The following RSPH1 variants were observed in gnomAD, a reference collection of about 807,000 sequenced individuals.
The protein encoded by RSPH1 is radial spoke head 1 homolog.
In RSPH1, 32 loss-of-function variants were observed where a neutral mutation model predicts 44.2. The ratio of observed to expected loss-of-function variants is 0.72; its 90% CI spans 0.55 to 0.97. RSPH1 has a LOEUF of 0.97. Among genes scored for constraint, RSPH1 ranks in the 50% least tolerant of loss-of-function variants. The probability of loss-of-function intolerance (pLI) is 0.00; values close to 1 mark genes in which losing one functional copy is unlikely to be tolerated. For missense variants in RSPH1, 391 were observed against 398.7 expected (o/e 0.98, Z 0.16); for synonymous variants, 134 against 147.3 (o/e 0.91, Z 0.65).
chr21:42,493,238 G>A lies in RSPH1; in HGVS notation c.55-159C>T, dbSNP rs78445764. ...CCTTTCCCACCTTAAAGTTGAGGTAGGTAACAACGCCTGGGCTAGATGAGG... is the reference window on the plus strand; with the variant it reads ...CCTTTCCCACCTTAAAGTTGAGGTAAGTAACAACGCCTGGGCTAGATGAGG... On this transcript the variant is annotated intron_variant, in intron 1 of 8. Coordinates refer to ENST00000291536, the MANE Select transcript of RSPH1 (RefSeq NM_080860.4). Among the ~76,000 whole-genome samples the A allele has an allele frequency of 2.7e-3, 411 of 152,288 alleles. 3 individuals carry two copies. The highest frequency in any genetic ancestry group is 9.4e-3 in the African/African-American group (392 of 41,538).
chr21:42,476,278 A>G (rs1473108180), intron 7 of RSPH1, among the ~76,000 whole-genome samples: 1 of 152,170 alleles, frequency 6.6e-6, no homozygotes, highest in Admixed American at 6.5e-5. Context: ...TAGTCTGATA[A>G]CTTTCATTCC....
chr21:42,488,197 T>C (rs540346855), intron 3 of RSPH1, among the ~76,000 whole-genome samples: 3 of 152,246 alleles, frequency 2.0e-5, no homozygotes, highest in East Asian at 1.9e-4. Flanking sequence ...GATCCCCAAA[T>C]TGAGATAATT....
Position 42,488,095 on chromosome 21 carries a change from A to G in RSPH1, c.275-1634T>C, listed in dbSNP as rs575932144. Among the ~76,000 whole-genome samples the G allele has an allele frequency of 3.9e-4, 60 of 152,346 alleles. No homozygotes were observed. In the South Asian group the frequency reaches 9.7e-3, roughly 25 times the overall value. ...GCAGGCTTACCAAAAATTCATGGAG[A>G]GAGGGAAGGTGGCAACTGCTAACAA... On this transcript the variant is annotated intron_variant, in intron 3 of 8. Transcript: ENST00000291536.
intron 8 of RSPH1, among the ~76,000 whole-genome samples, chr21:42,473,701 T>C (rs2054015959): frequency 6.6e-6 from 1 of 152,164 alleles, no homozygotes; most frequent in South Asian, 2.1e-4. Context: ...TTTTGATAAA[T>C]GTTCTGCCGA....
At chr21:42,486,880 T>C (rs770440182) in intron 3 of RSPH1, among the ~76,000 whole-genome samples, 8 of 152,168 alleles carry the variant, frequency 5.3e-5, no homozygotes, top group Non-Finnish European at 8.8e-5. Flanking sequence ...CAAACCAAGG[T>C]TGTCTGACCC....
chr21:42,490,559 C>A (rs1222532096), intron 3 of RSPH1, among the ~76,000 whole-genome samples: 1 of 152,162 alleles, frequency 6.6e-6, no homozygotes, highest in Non-Finnish European at 1.5e-5. Context: ...GTGGCTAAAT[C>A]TTGCACCCTT....
chr21:42,486,853 T>C (rs2054186029), intron 3 of RSPH1, among the ~76,000 whole-genome samples: 1 of 152,190 alleles, frequency 6.6e-6, no homozygotes, highest in South Asian at 2.1e-4. Flanking sequence ...ACCACGAAGA[T>C]GCAACGAGGA....
Position 42,493,066 on chromosome 21 carries a change from C to A in RSPH1, c.68G>T (p.Gly23Val), listed in dbSNP as rs996281801. The A allele has an allele frequency of 6.2e-7, 1 of 1,613,594 alleles. No homozygotes were observed. Among genetic ancestry groups the A allele is most frequent in the Middle Eastern group, 1.6e-4 (1 of 6,062 alleles). The change falls in exon 2 of 9, where the codon GGT (glycine) becomes GTT (valine). Residue 23 changes from glycine to valine, a missense_variant. Gly to Val is a moderately radical substitution (Grantham distance 109, BLOSUM62 -3). Coordinates refer to ENST00000291536, the MANE Select transcript of RSPH1 (RefSeq NM_080860.4). The stretch of plus-strand genomic sequence containing the variant: ...GTGCCTTTCGCCTGCCTCATTCCGA[C>A]CCCCCTCATATTCCTGGGTAATGAA... ...GENDIGEYEG[G>V]RNEAGERHGR...
intron 7 of RSPH1, among the ~76,000 whole-genome samples, chr21:42,476,827 A>C (rs1751969270): frequency 6.6e-6 from 1 of 152,124 alleles, no homozygotes; most frequent in South Asian, 2.1e-4. Flanking sequence ...AGTGTCCTCC[A>C]ATCCCAAAGG....
Position 42,496,219 on chromosome 21 carries a change from G to T in RSPH1, c.-33C>A. On this transcript the variant is annotated 5_prime_UTR_variant, in exon 1 of 9. Transcript: ENST00000291536. ...CCCCAGCCTGGATCACAGCCGCAGC[G>T]CCTCTAGCAGGTGGGTAGCAACCGC... 2.5e-6 allele frequency: 4 copies of T among 1,612,918 alleles called. No homozygotes were observed. Among genetic ancestry groups the T allele is most frequent in the Non-Finnish European group, 3.4e-6 (4 of 1,179,034 alleles).
At chr21:42,486,337 C>T in intron 4 of RSPH1, 34 bp downstream of exon 4, 1 of 1,443,998 alleles carries the variant, frequency 6.9e-7, no homozygotes, top group Non-Finnish European at 9.8e-7. Context: ...ATTACATAAG[C>T]AAATCCCGTT....
At position 42,485,724 on chromosome 21, in the gene RSPH1, G is replaced by T. The variant is rs376829214; in HGVS notation, c.446C>A (p.Thr149Lys). Residue 149 changes from threonine to lysine, a missense_variant, in exon 5 of 9, where the codon ACG becomes AAG. By Grantham distance (78) the Thr-to-Lys change is moderately conservative. Coordinates refer to ENST00000291536, the MANE Select transcript of RSPH1 (RefSeq NM_080860.4). Reference sequence around the variant, plus strand: ...GTGGTTCAGGTGAATGAGCTCGGCCGTGCCCTCCTGCTGTCCGTTCACCCA... The same window carrying T: ...GTGGTTCAGGTGAATGAGCTCGGCCTTGCCCTCCTGCTGTCCGTTCACCCA... The part of the protein sequence containing the change: ...GTWVNGQQEG[T>K]AELIHLNHRY... 8.7e-6 allele frequency: 14 copies of T among 1,614,156 alleles called. No homozygotes were observed. The highest frequency in any genetic ancestry group is 1.2e-5 in the Non-Finnish European group (14 of 1,179,988).
chr21:42,493,193 C>A (rs2054254166), intron 1 of RSPH1, 114 bp from the exon 2 acceptor site: 2 of 855,164 alleles, frequency 2.3e-6, no homozygotes. Context: ...AAACCCCCGG[C>A]ACTATACTCA....
intron 5 of RSPH1, among the ~76,000 whole-genome samples, chr21:42,483,960 T>C (rs1163202178): frequency 6.6e-6 from 1 of 151,964 alleles, no homozygotes; most frequent in Non-Finnish European, 1.5e-5. Flanking sequence ...TACTGGGAAC[T>C]GTCTCTGGAC....
At chr21:42,480,073 A>G (rs1462708647) in intron 6 of RSPH1, among the ~76,000 whole-genome samples, 1 of 152,214 alleles carries the variant, frequency 6.6e-6, no homozygotes, top group Non-Finnish European at 1.5e-5. Flanking sequence ...AAGAAGGTGG[A>G]CCATGAGCAA....
chr21:42,482,795 A>T (rs888082103), intron 5 of RSPH1, 87 bp from the exon 6 acceptor site: 1 of 912,090 alleles, frequency 1.1e-6, no homozygotes, highest in Non-Finnish European at 1.7e-6. Context: ...ACCCACCTCA[A>T]ATCACCAAAT....
intron 6 of RSPH1, among the ~76,000 whole-genome samples, chr21:42,478,672 T>C (rs1295888489): frequency 6.6e-6 from 1 of 152,216 alleles, no homozygotes; most frequent in Non-Finnish European, 1.5e-5. Context: ...CATCACCATA[T>C]GACCCAGCAA....
In RSPH1 at chr21:42,475,895, C is replaced by T; in HGVS notation, c.877+3G>A. On this transcript the variant is annotated splice_donor_region_variant and intron_variant, in intron 8 of 8. Transcript: ENST00000291536. ...GCCCCACTTCCCTGCGCAGGGACCT[C>T]ACCCTCATCCATGTCATAGCGGAAC... is the stretch of plus-strand genomic sequence containing the variant. 6.2e-7 allele frequency: 1 copy of T among 1,610,374 alleles called. No individual in the cohort carries two copies. The highest frequency in any genetic ancestry group is 2.2e-5 in the East Asian group (1 of 44,620).
Position 42,477,107 on chromosome 21 carries a change from CCACT to C in RSPH1, c.727+180_727+183del, listed in dbSNP as rs1250101309. On this transcript the variant is annotated intron_variant, in intron 7 of 8. Coordinates refer to ENST00000291536, the MANE Select transcript of RSPH1 (RefSeq NM_080860.4). ...GGATGCCCCACACCCTCTGCCCCCT[CCACT>C]CCACAGCCCGGGGATGCCCCACACC... Among the ~76,000 whole-genome samples, 37 of 141,148 alleles carry C rather than the reference CCACT, an allele frequency of 2.6e-4. 2 individuals are homozygous for C. The highest frequency in any genetic ancestry group is 5.0e-4 in the African/African-American group (19 of 38,172). The allele number at this position is 141,148 out of a possible 152,430, so 92.6% of individuals were successfully genotyped here. A position where few individuals can be genotyped will look rare whatever the true frequency, so the allele number is the denominator to read the frequency against.
Sources: gnomAD v4.1 joint callset for allele counts (sites outside exome capture counted in the v4.1 genomes callset) on GRCh38, gnomAD v4.1.1 for gene constraint, MANE v1.5 for transcripts, NCBI Gene and HGNC (gene_info 2026-07-23, HGNC 2026-07-21) for gene names.